Variants in NT5DC1 observed in about 807,000 individuals in gnomAD.
The protein encoded by NT5DC1 is 5'-nucleotidase domain-containing protein 1.
NT5DC1 carries 42 observed loss-of-function variants against 59.4 expected under a neutral mutation model. The ratio of observed to expected loss-of-function variants is 0.71; its 90% confidence interval spans 0.55 to 0.92. The LOEUF (loss-of-function observed/expected upper bound fraction) is 0.92. NT5DC1 is among the 40% of genes least tolerant of loss of function. The probability of loss-of-function intolerance (pLI) is 0.00; values close to 1 mark genes in which losing one functional copy is unlikely to be tolerated. For synonymous variants in NT5DC1, 172 were observed against 188.1 expected, an observed-to-expected ratio of 0.91 and a Z score of 0.70; for missense variants, 501 against 537.1, an observed-to-expected ratio of 0.93 and a Z score of 0.66.
At chr6:116,240,128 A>G (rs1033526281) in intron 11 of NT5DC1, among the ~76,000 whole-genome samples, 50 of 152,172 alleles carry the variant, frequency 3.3e-4, no homozygotes, top group African/African-American at 1.2e-3. Context: ...CTGAGACATA[A>G]AAGATATAGT....
intron 6 of NT5DC1, among the ~76,000 whole-genome samples, chr6:116,207,971 G>A (rs919129200): frequency 6.6e-6 from 1 of 151,878 alleles, no homozygotes. Context: ...ATTCTGTTAG[G>A]CTACCTACTA....
chr6:116,197,140 C>A (rs1781247406), intron 6 of NT5DC1, among the ~76,000 whole-genome samples: 1 of 151,770 alleles, frequency 6.6e-6, no homozygotes, highest in African/African-American at 2.4e-5. Flanking sequence ...GGCCAGCTGC[C>A]CTCCTCACCT....
At chr6:116,161,920 T>G (rs1780342174) in intron 6 of NT5DC1, among the ~76,000 whole-genome samples, 1 of 152,196 alleles carries the variant, frequency 6.6e-6, no homozygotes. Context: ...ATAATTCTCC[T>G]TTGTATTTCA....
intron 6 of NT5DC1, among the ~76,000 whole-genome samples, chr6:116,190,000 G>A (rs1781080574): frequency 6.6e-6 from 1 of 151,956 alleles, no homozygotes; most frequent in Non-Finnish European, 1.5e-5. Context: ...ATGATATAAT[G>A]GAAAGTACAG....
intron 6 of NT5DC1, among the ~76,000 whole-genome samples, chr6:116,196,149 G>T (rs959601882): frequency 6.6e-6 from 1 of 152,070 alleles, no homozygotes; most frequent in East Asian, 1.9e-4. Context: ...AAGGACAGTC[G>T]TCCTTTCCTT....
chr6:116,204,928 T>G (rs1043111398), intron 6 of NT5DC1, among the ~76,000 whole-genome samples: 2 of 151,982 alleles, frequency 1.3e-5, no homozygotes, highest in Non-Finnish European at 2.9e-5. Context: ...GAAAGCAAAT[T>G]GCACAAAATG....
At chr6:116,205,700 GT>G (rs1454998315) in intron 6 of NT5DC1, among the ~76,000 whole-genome samples, 1 of 151,880 alleles carries the variant, frequency 6.6e-6, no homozygotes, top group Non-Finnish European at 1.5e-5. Flanking sequence ...TATTAAAAGG[GT>G]ACATTTTAAA....
intron 8 of NT5DC1, among the ~76,000 whole-genome samples, chr6:116,231,154 C>CT (rs1782012655): frequency 6.8e-6 from 1 of 147,022 alleles, no homozygotes; most frequent in African/African-American, 2.6e-5. Context: ...TAAATCCCCC[C>CT]CCCAAACCAA....
chr6:116,120,894 G>T, intron 6 of NT5DC1: 1 of 1,613,960 alleles, frequency 6.2e-7, no homozygotes, highest in Non-Finnish European at 8.5e-7. Flanking sequence ...TCACCTTTTG[G>T]ACCTGGTAAC....
intron 6 of NT5DC1, among the ~76,000 whole-genome samples, chr6:116,156,314 A>T (rs556076852): frequency 7.0e-4 from 107 of 152,064 alleles, no homozygotes; most frequent in Non-Finnish European, 1.3e-3. Flanking sequence ...GTTAAAAAAA[A>T]TTTTTTTTAG....
chr6:116,162,049 G>C (rs1780347319), intron 6 of NT5DC1, among the ~76,000 whole-genome samples: 1 of 152,068 alleles, frequency 6.6e-6, no homozygotes, highest in Admixed American at 6.5e-5. Flanking sequence ...TTGTAAATGA[G>C]ATTGAGTTTT....
At position 116,169,799 on chromosome 6, in the gene NT5DC1, C is replaced by A. The variant is rs76850771; in HGVS notation, c.530-51255C>A. On this transcript the variant is annotated intron_variant, in intron 6 of 11. Coordinates refer to ENST00000319550, the MANE Select transcript of NT5DC1 (RefSeq NM_152729.3). ...AGTTCAGAGGATTATCAATAAAAAC[C>A]TATTGATTGAAAGTGTGTATAGATG... Among the ~76,000 whole-genome samples the A allele has an allele frequency of 1.6e-4, 25 of 152,146 alleles. No homozygotes were observed. In the East Asian group the frequency reaches 4.4e-3, roughly 27 times the overall value.
At chr6:116,237,240 C>T (rs1326151252) in intron 9 of NT5DC1, among the ~76,000 whole-genome samples, 156 bp downstream of exon 9, 1 of 152,096 alleles carries the variant, frequency 6.6e-6, no homozygotes, top group Non-Finnish European at 1.5e-5. Context: ...AGCAAGGATT[C>T]CAAGCAGGGC....
At chr6:116,241,196 G>A (rs1363686917) in intron 11 of NT5DC1, among the ~76,000 whole-genome samples, 1 of 150,830 alleles carries the variant, frequency 6.6e-6, no homozygotes, top group African/African-American at 2.4e-5. Context: ...TAGAGAAAAT[G>A]TATGTCCAGA....
chr6:116,207,400 A>G (rs1388498308), intron 6 of NT5DC1, among the ~76,000 whole-genome samples: 1 of 151,720 alleles, frequency 6.6e-6, no homozygotes, highest in Non-Finnish European at 1.5e-5. Context: ...CTTTAATTAG[A>G]TAGATGATAG....
chr6:116,142,107 A>T (rs747851776), intron 6 of NT5DC1, among the ~76,000 whole-genome samples: 1 of 152,094 alleles, frequency 6.6e-6, no homozygotes, highest in Non-Finnish European at 1.5e-5. Context: ...TTCCTTTGAT[A>T]TTTACAAAAC....
At chr6:116,109,831 C>T (rs1180617114) in intron 3 of NT5DC1, among the ~76,000 whole-genome samples, 2 of 151,982 alleles carry the variant, frequency 1.3e-5, no homozygotes, top group Admixed American at 6.6e-5. Flanking sequence ...GAGAATAATA[C>T]TCTCAATCAT....
chr6:116,177,801 A>G (rs1460351181), intron 6 of NT5DC1, among the ~76,000 whole-genome samples: 2 of 152,216 alleles, frequency 1.3e-5, no homozygotes, highest in Non-Finnish European at 2.9e-5. Flanking sequence ...GCATTAAAGC[A>G]TCCCATTTGT....
intron 6 of NT5DC1, among the ~76,000 whole-genome samples, chr6:116,146,217 C>T (rs2114381808): frequency 6.6e-6 from 1 of 152,264 alleles, no homozygotes; most frequent in Non-Finnish European, 1.5e-5. Context: ...TATAGATAAC[C>T]TGAGATTTAA....
Sources: gnomAD v4.1 joint callset for allele counts (sites outside exome capture counted in the v4.1 genomes callset) on GRCh38, gnomAD v4.1.1 for gene constraint, MANE v1.5 for transcripts, NCBI Gene and HGNC (gene_info 2026-07-23, HGNC 2026-07-21) for gene names.